ADGRB3: variants seen among roughly 807,000 people sequenced by gnomAD.
ADGRB3 encodes the protein brain-specific angiogenesis inhibitor 3.
A neutral mutation model predicts 193.4 loss-of-function variants in ADGRB3; 37 were observed. That is an observed-to-expected ratio of 0.19 (90% CI 0.15 to 0.25). ADGRB3 has a LOEUF of 0.25. Ranked by LOEUF, ADGRB3 falls within the 10% of genes least tolerant of loss-of-function variation. The probability of loss-of-function intolerance (pLI) is 1.00; values close to 1 mark genes in which losing one functional copy is unlikely to be tolerated. For synonymous variants in ADGRB3, 690 were observed against 644.2 expected, an observed-to-expected ratio of 1.07 and a Z score of -1.08; for missense variants, 1,637 against 1,852.9, an observed-to-expected ratio of 0.88 and a Z score of 2.14.
At chr6:69,383,577 C>T (rs1769997117) in intron 31 of ADGRB3, among the ~76,000 whole-genome samples, 1 of 151,978 alleles carries the variant, frequency 6.6e-6, no homozygotes, top group South Asian at 2.1e-4. Flanking sequence ...GACCAGGACT[C>T]TAGAAATCAG....
intron 10 of ADGRB3, among the ~76,000 whole-genome samples, chr6:68,991,547 C>T (rs1191604668): frequency 6.6e-6 from 1 of 150,752 alleles, no homozygotes; most frequent in Non-Finnish European, 1.5e-5. Context: ...CTATTCAAGG[C>T]CCCCGCCATC....
rs574346251 is a variant in ADGRB3, at chr6:69,235,584, T to A, written c.2711+449T>A. On this transcript the variant is annotated intron_variant, in intron 19 of 31. Coordinates refer to ENST00000370598, the MANE Select transcript of ADGRB3 (RefSeq NM_001704.3). ...CTTTCAGTATGTCCCAGACAACTAG[T>A]GAACCCTTCTATGCTATTGAAGCAC... is the stretch of plus-strand genomic sequence containing the variant. Among the ~76,000 whole-genome samples the A allele has an allele frequency of 2.2e-4, 33 of 152,096 alleles. 1 individual carries two copies. The highest frequency in any genetic ancestry group is 1.5e-4 in the Non-Finnish European group (10 of 67,936).
At chr6:69,262,736 C>A (rs60407587) in intron 20 of ADGRB3, among the ~76,000 whole-genome samples, 230 of 151,992 alleles carry the variant, frequency 1.5e-3, no homozygotes, top group African/African-American at 5.1e-3. Context: ...TATATTGTAA[C>A]AATTCTTCTT....
chr6:69,036,600 A>G (rs1770878629), intron 13 of ADGRB3, among the ~76,000 whole-genome samples: 1 of 152,144 alleles, frequency 6.6e-6, no homozygotes, highest in African/African-American at 2.4e-5. Context: ...ATTACATAAT[A>G]GAGAGAAATG....
intron 3 of ADGRB3, among the ~76,000 whole-genome samples, chr6:68,713,849 T>C (rs953043111): frequency 2.6e-5 from 4 of 151,722 alleles, no homozygotes; most frequent in Non-Finnish European, 5.9e-5. Context: ...TCTATTTATA[T>C]GTATAGTTAT....
chr6:69,074,561 G>A (rs1231549112), intron 16 of ADGRB3, among the ~76,000 whole-genome samples: 6 of 137,246 alleles, frequency 4.4e-5, no homozygotes, highest in African/African-American at 1.6e-4. Flanking sequence ...TTTTTTTTGA[G>A]ACAGAGTCTT....
chr6:69,341,092 T>C (rs1768964699), intron 26 of ADGRB3, among the ~76,000 whole-genome samples: 1 of 152,106 alleles, frequency 6.6e-6, no homozygotes, highest in Non-Finnish European at 1.5e-5. Context: ...GCATGTGTCT[T>C]TATAGGAGAA....
chr6:69,365,840 T>C (rs1769556621), intron 29 of ADGRB3, among the ~76,000 whole-genome samples: 1 of 152,108 alleles, frequency 6.6e-6, no homozygotes, highest in Non-Finnish European at 1.5e-5. Flanking sequence ...AATATCACAT[T>C]ACAGGTGCCT....
At chr6:69,289,046 A>G (rs909492290) in intron 20 of ADGRB3, among the ~76,000 whole-genome samples, 3 of 152,312 alleles carry the variant, frequency 2.0e-5, no homozygotes, top group Middle Eastern at 3.4e-3. Context: ...CTAATGAAAT[A>G]ATTGGAGAGA....
chr6:68,898,021 G>C (rs976493301), intron 3 of ADGRB3, among the ~76,000 whole-genome samples: 7 of 148,494 alleles, frequency 4.7e-5, no homozygotes, highest in African/African-American at 1.7e-4. Flanking sequence ...TATATAGAGA[G>C]AGAGGGAGAG....
chr6:68,940,095 G>A (rs1474154663), intron 5 of ADGRB3, among the ~76,000 whole-genome samples: 1 of 151,998 alleles, frequency 6.6e-6, no homozygotes. Flanking sequence ...GGATCCTAAG[G>A]TATTTGACAT....
chr6:68,957,946 A>G (rs187206669), intron 8 of ADGRB3, among the ~76,000 whole-genome samples: 12 of 152,242 alleles, frequency 7.9e-5, no homozygotes, highest in Admixed American at 7.9e-4. Flanking sequence ...CATACCTGTA[A>G]TCCCAGCACT....
chr6:69,067,235 C>G (rs151275110), intron 16 of ADGRB3, among the ~76,000 whole-genome samples: 1 of 151,938 alleles, frequency 6.6e-6, no homozygotes, highest in Non-Finnish European at 1.5e-5. Context: ...GAGATAAATG[C>G]GTTATGTTTG....
chr6:68,949,077 G>A (rs1221595063), intron 6 of ADGRB3, among the ~76,000 whole-genome samples: 3 of 151,880 alleles, frequency 2.0e-5, no homozygotes, highest in South Asian at 4.2e-4. Flanking sequence ...GTAAAAAATC[G>A]ATGTAGAGGA....
chr6:69,031,101 C>CTTCTCTTCTCTTCTCTTCT, intron 13 of ADGRB3, among the ~76,000 whole-genome samples: 1 of 74,752 alleles, frequency 1.3e-5, no homozygotes, highest in Non-Finnish European at 2.9e-5. Context: ...CTTCTCTTCT[C>CTTCTCTTCTCTTCTCTTCT]TTCTCTTCTC....
intron 17 of ADGRB3, among the ~76,000 whole-genome samples, chr6:69,130,023 A>G (rs1448100049): frequency 1.3e-5 from 2 of 152,116 alleles, no homozygotes; most frequent in Non-Finnish European, 2.9e-5. Flanking sequence ...CTATAACAAA[A>G]TATTATAAAC....
At chr6:69,047,079 T>TCC (rs927418763) in intron 13 of ADGRB3, among the ~76,000 whole-genome samples, 10 of 152,156 alleles carry the variant, frequency 6.6e-5, no homozygotes, top group Admixed American at 3.9e-4. Context: ...CAGGATGGTC[T>TCC]CGATCTCCTG....
At chr6:69,265,734 A>G (rs928020623) in intron 20 of ADGRB3, among the ~76,000 whole-genome samples, 1 of 151,948 alleles carries the variant, frequency 6.6e-6, no homozygotes, top group East Asian at 1.9e-4. Context: ...CTTTGTTTCT[A>G]TCTTTCTATT....
Position 69,040,374 on chromosome 6 carries a change from T to TTTCTTTCC in ADGRB3, c.2108-7808_2108-7807insTTTCCTTC, listed in dbSNP as rs1413146590. Among the ~76,000 whole-genome samples, 37 of 51,478 alleles carry TTTCTTTCC rather than the reference T, an allele frequency of 7.2e-4. 1 individual carries two copies. The highest frequency in any genetic ancestry group is 1.8e-3 in the African/African-American group (32 of 17,718). 33.8% of individuals were successfully genotyped at this position (51,478 alleles called of 152,430 possible). A position where few individuals can be genotyped will look rare whatever the true frequency, so the allele number is the denominator to read the frequency against. On this transcript the variant is annotated intron_variant, in intron 13 of 31. Transcript: ENST00000370598. The stretch of plus-strand genomic sequence containing the variant: ...CTTTCTTTCTTTCTTTCTTTCTTTC[T>TTTCTTTCC]TTCCTTCTCTCTCTTTCTTTCCTTC...
Sources: gnomAD v4.1 joint callset for allele counts (sites outside exome capture counted in the v4.1 genomes callset) on GRCh38, gnomAD v4.1.1 for gene constraint, MANE v1.5 for transcripts, NCBI Gene and HGNC (gene_info 2026-07-23, HGNC 2026-07-21) for gene names.